The following CRACDL variants were observed in gnomAD, a reference collection of about 807,000 sequenced individuals.
The protein encoded by CRACDL is CRACD like.
A neutral mutation model predicts 70.6 loss-of-function variants in CRACDL; 26 were observed. The ratio of observed to expected loss-of-function variants is 0.37; its 90% confidence interval spans 0.27 to 0.51. The LOEUF (loss-of-function observed/expected upper bound fraction) is 0.51. CRACDL is among the 20% of genes least tolerant of loss of function. The pLI, the probability that CRACDL is intolerant of heterozygous loss-of-function variation, is 0.94. For synonymous variants in CRACDL, 618 were observed against 615.2 expected (o/e 1.00, Z -0.07); for missense variants, 1,283 against 1,376.9 (o/e 0.93, Z 1.08).
At chr2:98,875,558 C>A (rs898197250) in intron 1 of CRACDL, among the ~76,000 whole-genome samples, 1 of 152,238 alleles carries the variant, frequency 6.6e-6, no homozygotes, top group African/African-American at 2.4e-5. Flanking sequence ...GAGAACAGAG[C>A]AAGCCTGGGA....
intron 7 of CRACDL, among the ~76,000 whole-genome samples, chr2:98,799,792 G>C: frequency 6.6e-6 from 1 of 152,054 alleles, no homozygotes; most frequent in Non-Finnish European, 1.5e-5. Context: ...GGTCAAGCCT[G>C]GTCCTCAACC....
At chr2:98,799,094 C>T (rs1364753643) in intron 7 of CRACDL, among the ~76,000 whole-genome samples, 1 of 152,160 alleles carries the variant, frequency 6.6e-6, no homozygotes, top group Non-Finnish European at 1.5e-5. Context: ...AAACTGATCT[C>T]CAACCACCTG....
chr2:98,915,648 T>C (rs1444837653), intron 1 of CRACDL, among the ~76,000 whole-genome samples: 1 of 151,972 alleles, frequency 6.6e-6, no homozygotes, highest in African/African-American at 2.4e-5. Flanking sequence ...GGACTGCTCT[T>C]CAGAGAGGGT....
intron 2 of CRACDL, among the ~76,000 whole-genome samples, chr2:98,838,670 AAAAAT>A (rs1705898406): frequency 1.3e-5 from 2 of 152,172 alleles, no homozygotes; most frequent in Admixed American, 6.5e-5. Flanking sequence ...CTCTCTCAAA[AAAAAT>A]AAAATAAAAT....
chr2:98,832,613 C>A, intron 4 of CRACDL, 101 bp from the exon 5 acceptor site: 1 of 1,189,516 alleles, frequency 8.4e-7, no homozygotes, highest in Admixed American at 2.2e-5. Context: ...CCTTCAGTAT[C>A]TTGGTGTGGT....
In CRACDL at chr2:98,823,018, C is replaced by T. The variant is rs778515833; in HGVS notation, c.1255G>A (p.Ala419Thr). The T allele has an allele frequency of 4.0e-6, 6 of 1,517,516 alleles. No homozygotes were observed. The Admixed American group carries it at 6.3e-5, about 16-fold the overall frequency. The allele number at this position is 1,517,516 out of a possible 1,614,324, so 94.0% of individuals were successfully genotyped here. The part of the protein sequence containing the change: ...GDTTPPETDP[A>T]ATSEAPSARD... ...GCAGAGGGCGCCTCTGAGGTGGCGGCGGGGTCAGTCTCGGGGGGAGTCGTG... is the reference window on the plus strand; with the variant it reads ...GCAGAGGGCGCCTCTGAGGTGGCGGTGGGGTCAGTCTCGGGGGGAGTCGTG... The change falls in exon 7 of 10, where the codon GCC becomes ACC. Residue 419 changes from alanine (A) to threonine (T), a missense_variant. By Grantham distance (58) the Ala-to-Thr change is moderately conservative. Transcript: ENST00000397899. This position sits in a 1 kb window ranked among gnomAD's most constrained non-coding sequence, Gnocchi z 4.0.
chr2:98,805,555 C>G (rs987494455), intron 7 of CRACDL, among the ~76,000 whole-genome samples: 1 of 152,156 alleles, frequency 6.6e-6, no homozygotes. Context: ...CACACAATCT[C>G]CCTCCTCCTC....
intron 1 of CRACDL, among the ~76,000 whole-genome samples, chr2:98,879,364 C>A (rs186192974): frequency 2.2e-4 from 33 of 152,214 alleles, no homozygotes; most frequent in Middle Eastern, 3.4e-3. Flanking sequence ...TTTCTTTGAA[C>A]TGTTTCATAG....
chr2:98,822,855 C>T lies in CRACDL; in HGVS notation c.1418G>A (p.Gly473Glu), dbSNP rs1705134246. ...GGTCCCAATTCTCTCGGGCTCGGTC[C>T]CCGCTCCTCTCTCGGGCTCCGTCTC... ...EAETEPERGA[G>E]TEPERIGTEP... Residue 473 changes from glycine to glutamate, a missense_variant, in exon 7 of 10, where the codon GGG (glycine) becomes GAG (glutamate). Physicochemically the swap from Gly to Glu is moderately conservative, Grantham distance 98. Coordinates refer to ENST00000397899, the MANE Select transcript of CRACDL (RefSeq NM_207362.3). This position sits in a 1 kb window ranked among gnomAD's most constrained non-coding sequence, Gnocchi z 4.9. 5 of 1,457,274 alleles carry T rather than the reference C, an allele frequency of 3.4e-6. No individual in the cohort carries two copies. Among genetic ancestry groups the T allele is most frequent in the Non-Finnish European group, 4.5e-6 (5 of 1,114,738 alleles). 90.3% of individuals were successfully genotyped at this position (1,457,274 alleles called of 1,614,324 possible). A position where few individuals can be genotyped will look rare whatever the true frequency, so the allele number is the denominator to read the frequency against.
In CRACDL at chr2:98,822,178, C is replaced by T. The variant is rs761208797; in HGVS notation, c.2095G>A (p.Ala699Thr). 4.3e-6 allele frequency: 7 copies of T among 1,611,002 alleles called. No homozygotes were observed. The highest frequency in any genetic ancestry group is 4.2e-6 in the Non-Finnish European group (5 of 1,179,010). Residue 699 changes from alanine to threonine, a missense_variant, in exon 7 of 10, where the codon GCC becomes ACC. By Grantham distance (58) the Ala-to-Thr change is moderately conservative. This residue lies in a region of CRACDL where 921 missense variants were observed against 881.9 expected (regional missense o/e 1.04). Transcript: ENST00000397899. This position sits in a 1 kb window ranked among gnomAD's most constrained non-coding sequence, Gnocchi z 4.9. ...TSLSLKYRDGASQEVKGVKRY... is the reference protein window; with the variant it reads ...TSLSLKYRDGTSQEVKGVKRY... ...TTCACACCCTTCACCTCCTGAGAGGCGCCATCCCTGTATTTGAGCGAGAGG... is the reference window on the plus strand; with the variant it reads ...TTCACACCCTTCACCTCCTGAGAGGTGCCATCCCTGTATTTGAGCGAGAGG...
At chr2:98,812,790 T>C (rs548379446) in intron 7 of CRACDL, among the ~76,000 whole-genome samples, 1 of 152,262 alleles carries the variant, frequency 6.6e-6, no homozygotes, top group African/African-American at 2.4e-5. Context: ...GTAGTTTGCC[T>C]ATCTTTTCTT....
intron 1 of CRACDL, among the ~76,000 whole-genome samples, chr2:98,889,141 GGA>G (rs1353891601): frequency 1.4e-5 from 2 of 144,802 alleles, no homozygotes; most frequent in Non-Finnish European, 3.0e-5. Context: ...AAAAGGGGGG[GGA>G]AGAAAAGAAA....
intron 1 of CRACDL, among the ~76,000 whole-genome samples, chr2:98,885,064 G>A (rs1201793995): frequency 6.6e-6 from 1 of 152,192 alleles, no homozygotes; most frequent in Non-Finnish European, 1.5e-5. Context: ...GCATAGAAAG[G>A]TGTAGGAGTG....
intron 7 of CRACDL, among the ~76,000 whole-genome samples, chr2:98,812,792 T>C (rs1704629273): frequency 6.6e-6 from 1 of 152,146 alleles, no homozygotes; most frequent in African/African-American, 2.4e-5. Flanking sequence ...AGTTTGCCTA[T>C]CTTTTCTTGC....
At chr2:98,844,185 T>C (rs1706151425) in intron 2 of CRACDL, among the ~76,000 whole-genome samples, 1 of 152,246 alleles carries the variant, frequency 6.6e-6, no homozygotes, top group Non-Finnish European at 1.5e-5. Flanking sequence ...AGTGCTTTTT[T>C]GTATATGTTG....
At chr2:98,898,871 A>G (rs1335849072) in intron 1 of CRACDL, among the ~76,000 whole-genome samples, 1 of 152,222 alleles carries the variant, frequency 6.6e-6, no homozygotes, top group Non-Finnish European at 1.5e-5. Context: ...TTTTTCTTAA[A>G]TAGAAGATGA....
intron 5 of CRACDL, among the ~76,000 whole-genome samples, chr2:98,827,795 A>T (rs1705371304): frequency 6.6e-6 from 1 of 152,102 alleles, no homozygotes; most frequent in Non-Finnish European, 1.5e-5. Flanking sequence ...TTCTCTCTCA[A>T]AACACACCAG....
At chr2:98,798,280 G>A (rs996166505) in intron 7 of CRACDL, among the ~76,000 whole-genome samples, 1 of 151,972 alleles carries the variant, frequency 6.6e-6, no homozygotes, top group African/African-American at 2.4e-5. Flanking sequence ...GGGAGGTGGA[G>A]GTTGCAGTGA....
At chr2:98,928,767 C>CA (rs2104704938) in intron 1 of CRACDL, among the ~76,000 whole-genome samples, 1 of 152,210 alleles carries the variant, frequency 6.6e-6, no homozygotes, top group Admixed American at 6.5e-5. Context: ...CTCAAACCTT[C>CA]AAAATGCTTG....
Sources: gnomAD v4.1 joint callset for allele counts (sites outside exome capture counted in the v4.1 genomes callset) on GRCh38, gnomAD v4.1.1 for gene constraint, gnomAD v4.1.1 regional missense constraint, Gnocchi (gnomAD v3.1) non-coding constraint, MANE v1.5 for transcripts, NCBI Gene and HGNC (gene_info 2026-07-23, HGNC 2026-07-21) for gene names.